VWC2L: variants seen among roughly 807,000 people sequenced by gnomAD.
VWC2L encodes the protein von Willebrand factor C domain containing 2 like, also known as von Willebrand factor C domain-containing protein 2-like.
A neutral mutation model predicts 21.6 loss-of-function variants in VWC2L; 10 were observed. The observed-to-expected ratio is 0.46, with a 90% confidence interval of 0.29 to 0.78. VWC2L has a LOEUF of 0.78. Among genes scored for constraint, VWC2L ranks in the 30% least tolerant of loss-of-function variants. VWC2L has a pLI of 0.10. For synonymous variants in VWC2L, 96 were observed against 94.3 expected (o/e 1.02, Z -0.10); for missense variants, 209 against 277.1 (o/e 0.75, Z 1.74).
chr2:214,507,576 G>A lies in VWC2L; in HGVS notation c.521-68096G>A, dbSNP rs117817369. Among the ~76,000 whole-genome samples, 127 of 152,280 alleles carry A rather than the reference G, an allele frequency of 8.3e-4. 1 individual carries two copies. In the East Asian group the frequency reaches 0.017, roughly 20 times the overall value. Reference sequence around the variant, plus strand: ...GTGATGGAACCAGGATTTTGACTTTGTACCTCCGTTTTCTAATCTTGGACC... The same window carrying A: ...GTGATGGAACCAGGATTTTGACTTTATACCTCCGTTTTCTAATCTTGGACC... On this transcript the variant is annotated intron_variant, in intron 3 of 3. Coordinates refer to ENST00000312504, the MANE Select transcript of VWC2L (RefSeq NM_001080500.4).
At chr2:214,457,495 G>A (rs958461877) in intron 3 of VWC2L, among the ~76,000 whole-genome samples, 4 of 151,988 alleles carry the variant, frequency 2.6e-5, no homozygotes, top group African/African-American at 9.7e-5. Flanking sequence ...TCCCTTGACT[G>A]GTTGCTTTGG....
chr2:214,520,705 T>C (rs769433869), intron 3 of VWC2L, among the ~76,000 whole-genome samples: 42 of 152,066 alleles, frequency 2.8e-4, no homozygotes, highest in Non-Finnish European at 4.0e-4. Flanking sequence ...GCCAATTTGG[T>C]AGACAAAAAA....
intron 3 of VWC2L, among the ~76,000 whole-genome samples, chr2:214,446,442 TATACC>T (rs1702839315): frequency 6.6e-6 from 1 of 152,236 alleles, no homozygotes; most frequent in East Asian, 1.9e-4. Flanking sequence ...TATATTCTCT[TATACC>T]AACAGGATTC....
At chr2:214,422,720 G>C (rs1702461377) in intron 2 of VWC2L, among the ~76,000 whole-genome samples, 1 of 152,166 alleles carries the variant, frequency 6.6e-6, no homozygotes, top group South Asian at 2.1e-4. Context: ...CCTCTAGCCT[G>C]CTGTAGAGTA....
intron 3 of VWC2L, among the ~76,000 whole-genome samples, chr2:214,516,570 G>T (rs1205236385): frequency 6.6e-6 from 1 of 151,914 alleles, no homozygotes; most frequent in Non-Finnish European, 1.5e-5. Flanking sequence ...AATCTAAAGA[G>T]TGCATTGGTA....
intron 3 of VWC2L, among the ~76,000 whole-genome samples, chr2:214,535,879 A>G (rs887084804): frequency 2.0e-5 from 3 of 152,032 alleles, no homozygotes; most frequent in Non-Finnish European, 4.4e-5. Flanking sequence ...CTTATAAGGC[A>G]GGCAATATAT....
At chr2:214,527,009 A>G (rs1415834303) in intron 3 of VWC2L, among the ~76,000 whole-genome samples, 7 of 152,184 alleles carry the variant, frequency 4.6e-5, no homozygotes, top group Non-Finnish European at 1.0e-4. Context: ...ATGCTGGTGT[A>G]TAGGTGGTTC....
intron 3 of VWC2L, among the ~76,000 whole-genome samples, chr2:214,544,869 GAAGTT>G (rs1407859366): frequency 1.3e-5 from 2 of 152,108 alleles, no homozygotes; most frequent in East Asian, 1.9e-4. Context: ...ACAGCATAGA[GAAGTT>G]AAGTAAGTTG....
intron 3 of VWC2L, among the ~76,000 whole-genome samples, chr2:214,548,601 G>A (rs996010321): frequency 2.6e-5 from 4 of 152,318 alleles, no homozygotes; most frequent in African/African-American, 9.6e-5. Context: ...GCTAAAGGTA[G>A]ACCACAAATG....
chr2:214,485,310 A>G (rs1688660477), intron 3 of VWC2L, among the ~76,000 whole-genome samples: 1 of 152,112 alleles, frequency 6.6e-6, no homozygotes, highest in South Asian at 2.1e-4. Context: ...CTGTCTTTAA[A>G]AAAAGAAAAA....
At chr2:214,462,642 A>G (rs1239074530) in intron 3 of VWC2L, among the ~76,000 whole-genome samples, 1 of 152,048 alleles carries the variant, frequency 6.6e-6, no homozygotes, top group Non-Finnish European at 1.5e-5. Flanking sequence ...CCAAAGTAAA[A>G]TGGCTTCCGG....
intron 3 of VWC2L, among the ~76,000 whole-genome samples, chr2:214,440,584 GA>G (rs1264831600): frequency 1.3e-5 from 2 of 151,916 alleles, no homozygotes; most frequent in Non-Finnish European, 2.9e-5. Flanking sequence ...TCAAACATTG[GA>G]AACTGACCAT....
chr2:214,507,502 G>C (rs1279967186), intron 3 of VWC2L, among the ~76,000 whole-genome samples: 1 of 152,216 alleles, frequency 6.6e-6, no homozygotes, highest in Non-Finnish European at 1.5e-5. Context: ...TACAGGGAAA[G>C]TTGCCAGAGG....
intron 2 of VWC2L, among the ~76,000 whole-genome samples, chr2:214,433,159 G>GATAGATATATATATATATAT (rs1702626128): frequency 7.5e-6 from 1 of 133,008 alleles, no homozygotes. Flanking sequence ...CAAGCCACCT[G>GATAGATATATATATATATAT]ATATATATAT....
intron 3 of VWC2L, among the ~76,000 whole-genome samples, chr2:214,471,634 T>C (rs1457051650): frequency 6.6e-6 from 1 of 152,168 alleles, no homozygotes; most frequent in Non-Finnish European, 1.5e-5. Context: ...CCCATGCTCT[T>C]CCTATTAAAC....
chr2:214,564,603 T>C (rs1309403105), intron 3 of VWC2L, among the ~76,000 whole-genome samples: 2 of 152,182 alleles, frequency 1.3e-5, no homozygotes, highest in East Asian at 1.9e-4. Context: ...ACGGGGAGTA[T>C]TGAAGGCTTT....
chr2:214,451,756 T>C (rs990569131), intron 3 of VWC2L, among the ~76,000 whole-genome samples: 1 of 152,226 alleles, frequency 6.6e-6, no homozygotes, highest in Non-Finnish European at 1.5e-5. Flanking sequence ...TACTGATGTA[T>C]TATAAAGAAG....
At chr2:214,489,767 T>C (rs1688720467) in intron 3 of VWC2L, among the ~76,000 whole-genome samples, 1 of 152,214 alleles carries the variant, frequency 6.6e-6, no homozygotes. Flanking sequence ...CAGAAGAATT[T>C]GTTTCTTGTC....
chr2:214,506,602 T>A (rs939508006), intron 3 of VWC2L, among the ~76,000 whole-genome samples: 1 of 152,182 alleles, frequency 6.6e-6, no homozygotes, highest in Admixed American at 6.5e-5. Flanking sequence ...TATATAAATT[T>A]ACTTCTCAAT....
Sources: allele counts gnomAD v4.1 joint callset (sites outside exome capture counted in the v4.1 genomes callset), GRCh38; gene constraint gnomAD v4.1.1; transcripts MANE v1.5; gene names NCBI Gene and HGNC (gene_info 2026-07-23, HGNC 2026-07-21).